The following OPA3 variants were observed in gnomAD, a reference collection of about 807,000 sequenced individuals.
The protein encoded by OPA3 is optic atrophy 3 protein.
OPA3 carries 6 observed loss-of-function variants against 4.0 expected under a neutral mutation model. The observed-to-expected ratio is 1.51, with a 90% CI of 0.83 to 2.99. The LOEUF is 2.99. OPA3 is among the 30% of genes most tolerant of loss of function. The pLI is 0.00. For missense variants in OPA3, 235 were observed against 256.2 expected (o/e 0.92, Z 0.56); for synonymous variants, 105 against 117.1 (o/e 0.90, Z 0.67).
At chr19:45,569,319 C>T (rs1969627569) in intron 1 of OPA3, among the ~76,000 whole-genome samples, 1 of 152,186 alleles carries the variant, frequency 6.6e-6, no homozygotes, top group Non-Finnish European at 1.5e-5. Flanking sequence ...ATTAGCTGGG[C>T]GTGGTGGCGG....
At chr19:45,570,580 G>A (rs1969647119) in intron 1 of OPA3, among the ~76,000 whole-genome samples, 1 of 152,176 alleles carries the variant, frequency 6.6e-6, no homozygotes, top group South Asian at 2.1e-4. Context: ...CCAGCTACTT[G>A]GGAGGCTGAG....
At chr19:45,536,736 A>G (rs1969122943) in intron 1 of OPA3, among the ~76,000 whole-genome samples, 1 of 152,184 alleles carries the variant, frequency 6.6e-6, no homozygotes, top group Non-Finnish European at 1.5e-5. Context: ...ATATTCACAC[A>G]TGCACAGTCA....
rs11083772 is a variant in OPA3 at position 45,547,502 on chromosome 19, T to C, written c.*6012A>G. The C allele has an allele frequency of 0.59, 89,173 of 152,150 alleles. 26,837 individuals carry two copies. Among genetic ancestry groups the C allele is most frequent in the East Asian group, 0.83 (4,307 of 5,160 alleles). 9.4% of individuals were successfully genotyped at this position (152,150 alleles called of 1,614,324 possible). A position where few individuals can be genotyped will look rare whatever the true frequency, so the allele number is the denominator to read the frequency against. On this transcript the variant is annotated 3_prime_UTR_variant, in exon 2 of 2. Coordinates refer to ENST00000263275, the MANE Select transcript of OPA3 (RefSeq NM_025136.4). ...GCTCTATTCTGACAGCCAGAAACTCTTGCTGTTCCAGGAACAGGCCAAGGC... is the reference window on the plus strand; with the variant it reads ...GCTCTATTCTGACAGCCAGAAACTCCTGCTGTTCCAGGAACAGGCCAAGGC...
chr19:45,550,362 G>C lies in OPA3; in HGVS notation c.*3152C>G. On this transcript the variant is annotated 3_prime_UTR_variant, in exon 2 of 2. Coordinates refer to ENST00000263275, the MANE Select transcript of OPA3 (RefSeq NM_025136.4). ...CGGGCCCAGGTGGAATGGTCACCCA[G>C]TTTACACAATGCTATGATCTCTGGT... The C allele has an allele frequency of 1.0e-6, 1 of 982,530 alleles. No homozygotes were observed. The highest frequency in any genetic ancestry group is 1.2e-6 in the Non-Finnish European group (1 of 829,526). 60.9% of individuals were successfully genotyped at this position (982,530 alleles called of 1,614,324 possible). A position where few individuals can be genotyped will look rare whatever the true frequency, so the allele number is the denominator to read the frequency against.
chr19:45,579,349 T>C (rs1016886099), intron 1 of OPA3, among the ~76,000 whole-genome samples: 13 of 152,134 alleles, frequency 8.5e-5, no homozygotes, highest in Admixed American at 7.9e-4. Context: ...GCCTCCTAAG[T>C]AACTGGGATT....
intron 1 of OPA3, among the ~76,000 whole-genome samples, chr19:45,582,477 T>G (rs1451914555): frequency 6.6e-6 from 1 of 152,030 alleles, no homozygotes; most frequent in Non-Finnish European, 1.5e-5. Context: ...AGTTTTTTTG[T>G]TTTTTGTTTT....
At position 45,570,102 on chromosome 19, in the gene OPA3, C is replaced by A. The variant is rs545288342; in HGVS notation, c.142+14521G>T. ...TGACACGGGCGCCCTCTCCTGTCCA[C>A]TTGGCATATTGCTTGCAGCCAGCGC... is the stretch of plus-strand genomic sequence containing the variant. On this transcript the variant is annotated intron_variant, in intron 1 of 1. Coordinates refer to ENST00000263275, the MANE Select transcript of OPA3 (RefSeq NM_025136.4). Among the ~76,000 whole-genome samples, 239 of 152,260 alleles carry A rather than the reference C, an allele frequency of 1.6e-3. 4 individuals are homozygous for A. Among genetic ancestry groups the A allele is most frequent in the Non-Finnish European group, 1.6e-4 (11 of 68,012 alleles).
At position 45,546,974 on chromosome 19, in the gene OPA3, C is replaced by CG. The variant is rs1969258172; in HGVS notation, c.*6539_*6540insC. On this transcript the variant is annotated 3_prime_UTR_variant, in exon 2 of 2. Transcript: ENST00000263275. ...GTGAGCCACCGCGCCTGGCCTAAAA[C>CG]TCTGCTTCTTATTGTGGCACGTGGC... The CG allele has an allele frequency of 6.6e-6, 1 of 152,262 alleles. No homozygotes were observed. The highest frequency in any genetic ancestry group is 1.5e-5 in the Non-Finnish European group (1 of 68,128). The allele number at this position is 152,262 out of a possible 1,614,324, so 9.4% of individuals were successfully genotyped here.
intron 1 of OPA3, among the ~76,000 whole-genome samples, chr19:45,580,958 T>C (rs1257904868): frequency 2.0e-5 from 3 of 152,082 alleles, no homozygotes; most frequent in Non-Finnish European, 4.4e-5. Context: ...AATGTCACAG[T>C]GTTTGGAAGA....
At chr19:45,559,886 G>A (rs533103675) in intron 1 of OPA3, among the ~76,000 whole-genome samples, 11 of 152,108 alleles carry the variant, frequency 7.2e-5, no homozygotes, top group South Asian at 2.1e-4. Context: ...CTTTGGAGTC[G>A]CACAGACCTG....
chr19:45,556,809 G>A (rs1969427429), intron 1 of OPA3, among the ~76,000 whole-genome samples: 1 of 152,208 alleles, frequency 6.6e-6, no homozygotes, highest in Non-Finnish European at 1.5e-5. Flanking sequence ...TTACAGCTGT[G>A]ACTTAGGCCC....
At chr19:45,573,742 G>A (rs1470549433) in intron 1 of OPA3, among the ~76,000 whole-genome samples, 2 of 152,152 alleles carry the variant, frequency 1.3e-5, no homozygotes, top group Non-Finnish European at 2.9e-5. Context: ...GAGGTTAAGT[G>A]CTATTCGGTA....
In OPA3 at chr19:45,553,845, G is replaced by T; in HGVS notation, c.209C>A (p.Pro70Gln). 6.2e-7 allele frequency: 1 copy of T among 1,612,686 alleles called. No homozygotes were observed. Among genetic ancestry groups the T allele is most frequent in the Non-Finnish European group, 8.5e-7 (1 of 1,179,218 alleles). Residue 70 changes from proline (P) to glutamine (Q), a missense_variant, in exon 2 of 2, where the codon CCG becomes CAG. By Grantham distance (76) the Pro-to-Gln change is moderately conservative (BLOSUM62 -1). Coordinates refer to ENST00000263275, the MANE Select transcript of OPA3 (RefSeq NM_025136.4). ...IMGFRGTVIK[P>Q]LNEEAAAELG... ...CTCAGCTGCCGCCTCCTCGTTCAGC[G>T]GCTTGATGACCGTGCCCCGGAAGCC... is the stretch of plus-strand genomic sequence containing the variant.
At chr19:45,566,345 C>T (rs1246401120) in intron 1 of OPA3, among the ~76,000 whole-genome samples, 2 of 151,996 alleles carry the variant, frequency 1.3e-5, no homozygotes, top group African/African-American at 4.8e-5. Flanking sequence ...AGTTAGGGCT[C>T]TGCCATGTTG....
Position 45,553,107 on chromosome 19 carries a change from G to A in OPA3, c.*407C>T, listed in dbSNP as rs537060236. The A allele has an allele frequency of 2.8e-5, 32 of 1,139,908 alleles. No homozygotes were observed. The South Asian group carries it at 6.7e-4, about 24-fold the overall frequency. The allele number at this position is 1,139,908 out of a possible 1,614,324, so 70.6% of individuals were successfully genotyped here. ...GGTCTGTGCCGATTGACAAAAAGAAGAAGGTGTTCCAGTGTAACAGATGAG... is the reference window on the plus strand; with the variant it reads ...GGTCTGTGCCGATTGACAAAAAGAAAAAGGTGTTCCAGTGTAACAGATGAG... On this transcript the variant is annotated 3_prime_UTR_variant, in exon 2 of 2. Coordinates refer to ENST00000263275, the MANE Select transcript of OPA3 (RefSeq NM_025136.4).
chr19:45,551,775 C>T lies in OPA3; in HGVS notation c.*1739G>A. 2.0e-6 allele frequency: 2 copies of T among 985,470 alleles called. No homozygotes were observed. The highest frequency in any genetic ancestry group is 2.4e-6 in the Non-Finnish European group (2 of 829,960). 61.0% of individuals were successfully genotyped at this position (985,470 alleles called of 1,614,324 possible). On this transcript the variant is annotated 3_prime_UTR_variant, in exon 2 of 2. Transcript: ENST00000263275. ...CTATGGAGGCAGGAGGGTACTGCTACATGAAGACAGGCTGTCGGGTCAGTC... is the reference window on the plus strand; with the variant it reads ...CTATGGAGGCAGGAGGGTACTGCTATATGAAGACAGGCTGTCGGGTCAGTC...
At position 45,546,766 on chromosome 19, in the gene OPA3, A is replaced by G. The variant is rs539207846; in HGVS notation, c.*6748T>C. 16 of 152,292 alleles carry G rather than the reference A, an allele frequency of 1.1e-4. No individual in the cohort carries two copies. The highest frequency in any genetic ancestry group is 3.4e-4 in the African/African-American group (14 of 41,554). The allele number at this position is 152,292 out of a possible 1,614,324, so 9.4% of individuals were successfully genotyped here. ...CTGCAACGTCCACCTCCTGGGCTCA[A>G]GCAATTCTCCTATGTCAGCCTCTCA... is the stretch of plus-strand genomic sequence containing the variant. On this transcript the variant is annotated 3_prime_UTR_variant, in exon 2 of 2. Transcript: ENST00000263275.
intron 1 of OPA3, among the ~76,000 whole-genome samples, chr19:45,581,978 C>T (rs550446531): frequency 2.0e-5 from 3 of 151,896 alleles, no homozygotes; most frequent in African/African-American, 7.2e-5. Context: ...TTTGTATTTT[C>T]AGTAGACACG....
intron 1 of OPA3, among the ~76,000 whole-genome samples, chr19:45,562,692 A>C (rs1264229): frequency 6.6e-6 from 1 of 151,976 alleles, no homozygotes; most frequent in African/African-American, 2.4e-5. Context: ...TCTCAAAAAA[A>C]ATATAAATAA....
Sources: allele counts gnomAD v4.1 joint callset (sites outside exome capture counted in the v4.1 genomes callset), GRCh38; gene constraint gnomAD v4.1.1; transcripts MANE v1.5; gene names NCBI Gene and HGNC (gene_info 2026-07-23, HGNC 2026-07-21).